LRBA: variants seen among roughly 807,000 people sequenced by gnomAD.
The protein encoded by LRBA is LPS responsive beige-like anchor protein, also known as lipopolysaccharide-responsive and beige-like anchor protein.
LRBA carries 176 observed loss-of-function variants against 330.0 expected under a neutral mutation model. The ratio of observed to expected loss-of-function variants is 0.53; its 90% CI spans 0.47 to 0.60. The LOEUF is 0.60. Ranked by LOEUF, LRBA falls within the 20% of genes least tolerant of loss-of-function variation. The pLI, the probability that LRBA is intolerant of heterozygous loss-of-function variation, is 0.00. For synonymous variants in LRBA, 1,230 were observed against 1,193.0 expected (o/e 1.03, Z -0.64); for missense variants, 3,259 against 3,444.8 (o/e 0.95, Z 1.35).
intron 35 of LRBA, among the ~76,000 whole-genome samples, chr4:150,744,677 A>C (rs778774713): frequency 4.6e-5 from 7 of 152,186 alleles, no homozygotes; most frequent in Non-Finnish European, 7.3e-5. Flanking sequence ...TTGGGGAAAA[A>C]GAGAATCCAC....
chr4:150,889,967 T>C (rs1191289280), intron 17 of LRBA, among the ~76,000 whole-genome samples: 6 of 151,286 alleles, frequency 4.0e-5, no homozygotes, highest in Non-Finnish European at 8.9e-5. Context: ...AAGAAAGCAA[T>C]AAAAATAAAA....
chr4:150,753,276 T>C (rs1733806272), intron 35 of LRBA, among the ~76,000 whole-genome samples: 1 of 152,172 alleles, frequency 6.6e-6, no homozygotes, highest in African/African-American at 2.4e-5. Context: ...TAAACCCTAT[T>C]AGGCAGGCAT....
At chr4:150,544,982 G>C (rs1264727014) in intron 40 of LRBA, among the ~76,000 whole-genome samples, 1 of 152,178 alleles carries the variant, frequency 6.6e-6, no homozygotes, top group Non-Finnish European at 1.5e-5. Flanking sequence ...ACTTCAGATT[G>C]TATCGCCTGT....
chr4:150,928,968 G>A lies in LRBA; in HGVS notation c.314C>T (p.Thr105Met), dbSNP rs1467585610. ...CATGCTCCAGACTTCTGCTTGGCAC[G>A]TAATGTCACATTTTTCCAGTAGGTC... is the stretch of plus-strand genomic sequence containing the variant. ...MVDLLEKCDI[T>M]CQAEVWSMFT... Residue 105 changes from threonine (T) to methionine (M), a missense_variant, in exon 3 of 57, where the codon ACG (threonine) becomes ATG (methionine). By Grantham distance (81) the Thr-to-Met change is moderately conservative. Coordinates refer to ENST00000651943, the MANE Select transcript of LRBA (RefSeq NM_001364905.1). 11 of 1,613,266 alleles carry A rather than the reference G, an allele frequency of 6.8e-6. No homozygotes were observed. Among genetic ancestry groups the A allele is most frequent in the East Asian group, 4.5e-5 (2 of 44,838 alleles).
At chr4:150,330,708 C>G (rs62346985) in intron 48 of LRBA, among the ~76,000 whole-genome samples, 29,820 of 152,098 alleles carry the variant, frequency 0.2, 3,121 homozygotes, top group East Asian at 0.26. Context: ...TCACCTCCTG[C>G]TATGCAGCCT....
chr4:151,005,384 G>C (rs1186078614), intron 2 of LRBA, among the ~76,000 whole-genome samples: 2 of 121,444 alleles, frequency 1.6e-5, no homozygotes, highest in South Asian at 2.9e-4. Context: ...GTTGCAGTGA[G>C]CCAAGATCGC....
intron 36 of LRBA, among the ~76,000 whole-genome samples, chr4:150,693,266 T>C (rs572363388): frequency 6.6e-5 from 10 of 152,052 alleles, no homozygotes; most frequent in Admixed American, 6.5e-4. Context: ...TATATAAGGG[T>C]CAAAAATTGG....
At chr4:150,471,141 A>G (rs1756080419) in intron 43 of LRBA, among the ~76,000 whole-genome samples, 1 of 152,190 alleles carries the variant, frequency 6.6e-6, no homozygotes, top group African/African-American at 2.4e-5. Flanking sequence ...TACAGTATAT[A>G]CATAGATATA....
chr4:150,514,601 C>T (rs976259567), intron 40 of LRBA, among the ~76,000 whole-genome samples: 6 of 152,064 alleles, frequency 3.9e-5, no homozygotes, highest in South Asian at 2.1e-4. Context: ...TTCATTGGAC[C>T]GGAACACTTT....
chr4:150,407,965 A>T (rs1247051159), intron 47 of LRBA, among the ~76,000 whole-genome samples: 1 of 152,120 alleles, frequency 6.6e-6, no homozygotes, highest in East Asian at 1.9e-4. Flanking sequence ...GAACTCAAAT[A>T]AAAAAACTAG....
chr4:150,779,778 G>A (rs544601299), intron 34 of LRBA, among the ~76,000 whole-genome samples: 28 of 152,014 alleles, frequency 1.8e-4, no homozygotes, highest in African/African-American at 5.3e-4. Flanking sequence ...TTCTGACAGC[G>A]TAATTCCAAA....
intron 37 of LRBA, among the ~76,000 whole-genome samples, chr4:150,638,795 C>G (rs1229548642): frequency 5.1e-5 from 6 of 116,982 alleles, no homozygotes; most frequent in Non-Finnish European, 1.7e-5. Flanking sequence ...GTCAGTGTGG[C>G]GATTCCTCAG....
At position 150,916,876 on chromosome 4, in the gene LRBA, G is replaced by A. The variant is rs113725899; in HGVS notation, c.646-138C>T. 1,841 of 653,924 alleles carry A rather than the reference G, an allele frequency of 2.8e-3. 22 individuals are homozygous for A. The highest frequency in any genetic ancestry group is 0.023 in the African/African-American group (1,236 of 52,974). 40.5% of individuals were successfully genotyped at this position (653,924 alleles called of 1,614,324 possible). A position where few individuals can be genotyped will look rare whatever the true frequency, so the allele number is the denominator to read the frequency against. On this transcript the variant is annotated intron_variant, in intron 5 of 56. Coordinates refer to ENST00000651943, the MANE Select transcript of LRBA (RefSeq NM_001364905.1). ...TGTCACAATTAAAATATCTGAGGCC[G>A]GGCGCGGTGGCTCACGCCTGTAATC...
intron 44 of LRBA, among the ~76,000 whole-genome samples, chr4:150,464,906 G>A (rs1428122039): frequency 6.6e-6 from 1 of 151,734 alleles, no homozygotes; most frequent in African/African-American, 2.4e-5. Flanking sequence ...TATTAATGGT[G>A]GCAAAATATA....
At chr4:150,542,162 T>A (rs1272015558) in intron 40 of LRBA, among the ~76,000 whole-genome samples, 1 of 152,194 alleles carries the variant, frequency 6.6e-6, no homozygotes, top group African/African-American at 2.4e-5. Context: ...ATGGGTTCAT[T>A]GCCTCACAAG....
intron 2 of LRBA, among the ~76,000 whole-genome samples, chr4:150,984,017 A>T (rs1741155532): frequency 1.3e-5 from 2 of 152,172 alleles, no homozygotes; most frequent in South Asian, 4.1e-4. Context: ...TCAAGCCACA[A>T]GCCCAATTTC....
intron 34 of LRBA, among the ~76,000 whole-genome samples, chr4:150,773,636 A>G (rs1736877667): frequency 6.6e-6 from 1 of 152,236 alleles, no homozygotes; most frequent in Non-Finnish European, 1.5e-5. Context: ...CTTTTGGCTT[A>G]TAATTTTCTT....
intron 22 of LRBA, among the ~76,000 whole-genome samples, chr4:150,859,359 G>C (rs1290758602): frequency 6.6e-6 from 1 of 151,952 alleles, no homozygotes; most frequent in African/African-American, 2.4e-5. Flanking sequence ...TCATAATTCA[G>C]AATAGTTTAA....
chr4:150,310,558 G>T (rs1262495184), intron 51 of LRBA, 174 bp from the exon 52 acceptor site: 1 of 497,374 alleles, frequency 2.0e-6, no homozygotes, highest in Non-Finnish European at 3.5e-6. Context: ...AATGTGGGTA[G>T]CTAAATTCAA....
Sources: gnomAD v4.1 joint callset for allele counts (sites outside exome capture counted in the v4.1 genomes callset) on GRCh38, gnomAD v4.1.1 for gene constraint, MANE v1.5 for transcripts, NCBI Gene and HGNC (gene_info 2026-07-23, HGNC 2026-07-21) for gene names.